ZNF550: variants seen among roughly 807,000 people sequenced by gnomAD.
ZNF550 encodes zinc finger protein 550.
ZNF550 carries 42 observed loss-of-function variants against 40.2 expected under a neutral mutation model. That is an observed-to-expected ratio of 1.05 (90% CI 0.82 to 1.35). The LOEUF (loss-of-function observed/expected upper bound fraction) is 1.35. ZNF550 is among the 40% of genes most tolerant of loss of function. The probability of loss-of-function intolerance (pLI) is 0.00; values close to 1 mark genes in which losing one functional copy is unlikely to be tolerated. For synonymous variants in ZNF550, 223 were observed against 198.6 expected, an observed-to-expected ratio of 1.12 and a Z score of -1.03; for missense variants, 549 against 525.2, an observed-to-expected ratio of 1.05 and a Z score of -0.44.
chr19:57,547,153 A>C (rs1475969569), exon 4 of ZNF550: 10 of 1,611,376 alleles, frequency 6.2e-6, no homozygotes, highest in Non-Finnish European at 8.5e-6. Context: ...CCCAGTGTGA[A>C]TCCGCTGGTG....
intron 4 of ZNF550, chr19:57,544,431 G>A: frequency 1.2e-5 from 12 of 985,410 alleles, no homozygotes; most frequent in Non-Finnish European, 1.4e-5. Flanking sequence ...TGTTTCTAGA[G>A]GGGTTTCTCC....
intron 1 of ZNF550, chr19:57,556,924 CAT>C (rs764022527): frequency 2.0e-5 from 3 of 153,050 alleles, no homozygotes; most frequent in Non-Finnish European, 2.9e-5. Context: ...CCTTGGTAAA[CAT>C]GTGTTTGCAG....
chr19:57,543,751 C>G (rs928066380), intron 4 of ZNF550: 58 of 453,038 alleles, frequency 1.3e-4, no homozygotes, highest in African/African-American at 1.1e-3. Flanking sequence ...GCCTGGCCAA[C>G]ATGGTGAAAC....
exon 5 of ZNF550, chr19:57,541,876 A>C (rs1170652904): frequency 6.6e-6 from 1 of 152,228 alleles, no homozygotes; most frequent in Admixed American, 6.5e-5. Context: ...CCAATTAAAT[A>C]CTTCCATTCC....
At chr19:57,548,228 G>C (rs1395432899) in intron 3 of ZNF550, among the ~76,000 whole-genome samples, 1 of 152,102 alleles carries the variant, frequency 6.6e-6, no homozygotes, top group Non-Finnish European at 1.5e-5. Flanking sequence ...CCGGAGTAAA[G>C]ACATTTCTCT....
At chr19:57,549,381 GTTGCAGTGAGCCGAGA>G (rs750472339) in intron 3 of ZNF550, among the ~76,000 whole-genome samples, 22 of 152,232 alleles carry the variant, frequency 1.4e-4, no homozygotes, top group Admixed American at 5.2e-4. Flanking sequence ...GGAGGCAGAG[GTTGCAGTGAGCCGAGA>G]TTGCACCATT....
intron 2 of ZNF550, 51 bp downstream of exon 2, chr19:57,556,180 G>C: frequency 6.2e-7 from 1 of 1,612,494 alleles, no homozygotes; most frequent in Non-Finnish European, 8.5e-7. Flanking sequence ...TTTTTGCCTG[G>C]CCAAGAATCA....
chr19:57,559,273 G>GAA (rs1568602719), intron 1 of ZNF550, among the ~76,000 whole-genome samples: 5 of 152,098 alleles, frequency 3.3e-5, no homozygotes, highest in Non-Finnish European at 7.4e-5. Context: ...CCGGGGGGGG[G>GAA]AAGAGTAAAT....
chr19:57,543,963 T>C (rs777368289), intron 4 of ZNF550: 6 of 985,208 alleles, frequency 6.1e-6, no homozygotes, highest in Non-Finnish European at 7.2e-6. Flanking sequence ...AAACATGTTT[T>C]ACCTCAATCA....
At chr19:57,549,398 T>C (rs1237684825) in intron 3 of ZNF550, among the ~76,000 whole-genome samples, 3 of 152,008 alleles carry the variant, frequency 2.0e-5, no homozygotes, top group Admixed American at 1.3e-4. Context: ...TGAGCCGAGA[T>C]TGCACCATTG....
chr19:57,544,228 G>C, intron 4 of ZNF550: 1 of 985,442 alleles, frequency 1.0e-6, no homozygotes, highest in Non-Finnish European at 1.2e-6. Context: ...TGTCTCATGA[G>C]ATTCTTGCCT....
chr19:57,559,671 C>T (rs1471433538), exon 1 of ZNF550: 2 of 1,506,214 alleles, frequency 1.3e-6, no homozygotes, highest in East Asian at 2.5e-5. Context: ...CTGCGTCCTT[C>T]GTCTCCGCCA....
chr19:57,543,526 A>C, intron 4 of ZNF550: 1 of 794,932 alleles, frequency 1.3e-6, no homozygotes, highest in Non-Finnish European at 1.5e-6. Flanking sequence ...GTGAATGGTC[A>C]TAACTAGTCC....
At chr19:57,559,100 G>A (rs1342971840) in intron 1 of ZNF550, among the ~76,000 whole-genome samples, 2 of 152,110 alleles carry the variant, frequency 1.3e-5, no homozygotes, top group African/African-American at 2.4e-5. Context: ...GGAGGCCAAG[G>A]AGGCCAGAGG....
At chr19:57,546,434 A>C (rs749641074) in intron 4 of ZNF550, 1 of 960,682 alleles carries the variant, frequency 1.0e-6, no homozygotes, top group Non-Finnish European at 1.2e-6. Flanking sequence ...GGAAGTCTGT[A>C]AGGACATAAA....
chr19:57,546,388 A>T (rs1191683277), intron 4 of ZNF550: 1 of 716,290 alleles, frequency 1.4e-6, no homozygotes, highest in Non-Finnish European at 1.7e-6. Flanking sequence ...TACCTCTCAA[A>T]CATTCCCCTA....
intron 4 of ZNF550, chr19:57,544,268 T>C (rs1363072470): frequency 5.1e-6 from 5 of 985,296 alleles, no homozygotes; most frequent in Non-Finnish European, 1.2e-6. Flanking sequence ...AGTAGATCCT[T>C]GTACCAAACA....
Position 57,548,059 on chromosome 19 carries a change from CCACTT to C in ZNF550, c.251-71_251-67del, listed in dbSNP as rs2090040445. The C allele has an allele frequency of 8.6e-6, 12 of 1,402,196 alleles. No individual in the cohort carries two copies. The South Asian group carries it at 1.3e-4, about 15-fold the overall frequency. 86.9% of individuals were successfully genotyped at this position (1,402,196 alleles called of 1,614,324 possible). ...TAAAATATAGAAAAACACAAAATAA[CCACTT>C]CAGTAGGAAAATGAAGATGAAAATA... On this transcript the variant is annotated intron_variant, in intron 3 of 4. Coordinates refer to ENST00000457177, the Ensembl canonical transcript of ZNF550.
At chr19:57,544,239 A>G (rs1339398909) in intron 4 of ZNF550, 1 of 985,472 alleles carries the variant, frequency 1.0e-6, no homozygotes, top group Non-Finnish European at 1.2e-6. Flanking sequence ...ATTCTTGCCT[A>G]TCACAGCAGC....
Sources: allele counts gnomAD v4.1 joint callset (sites outside exome capture counted in the v4.1 genomes callset), GRCh38; gene constraint gnomAD v4.1.1; transcripts MANE v1.5; gene names NCBI Gene and HGNC (gene_info 2026-07-23, HGNC 2026-07-21).